STAG1: variants seen among roughly 807,000 people sequenced by gnomAD.
STAG1 encodes the protein STAG1 cohesin complex component.
STAG1 carries 26 observed loss-of-function variants against 170.9 expected under a neutral mutation model. That is an observed-to-expected ratio of 0.15 (90% CI 0.11 to 0.21). The LOEUF is 0.21. Ranked by LOEUF, STAG1 falls within the 10% of genes least tolerant of loss-of-function variation. STAG1 has a pLI of 1.00. For missense variants in STAG1, 964 were observed against 1,509.5 expected (o/e 0.64, Z 5.99); for synonymous variants, 514 against 497.7 (o/e 1.03, Z -0.44).
At chr3:136,495,292 A>T (rs954721335) in intron 9 of STAG1, among the ~76,000 whole-genome samples, 7 of 152,226 alleles carry the variant, frequency 4.6e-5, no homozygotes, top group Admixed American at 1.3e-4. Context: ...AAATTGAATT[A>T]AAAATTCAAT....
chr3:136,541,538 T>TCACACACACACACACACACACACA (rs59155124), intron 6 of STAG1, among the ~76,000 whole-genome samples: 40 of 123,210 alleles, frequency 3.2e-4, no homozygotes, highest in Non-Finnish European at 5.2e-4. Flanking sequence ...AGCTTAACAT[T>TCACACACACACACACACACACACA]CACACACACA....
chr3:136,677,038 C>G (rs746085834), intron 1 of STAG1, among the ~76,000 whole-genome samples: 19 of 152,056 alleles, frequency 1.2e-4, no homozygotes, highest in Non-Finnish European at 2.1e-4. Flanking sequence ...GATAACAATA[C>G]CTTCCCTCTA....
Position 136,341,565 on chromosome 3 carries a change from CTAT to C in STAG1, c.3447-17_3447-15del. 2 of 1,542,246 alleles carry C rather than the reference CTAT, an allele frequency of 1.3e-6. No homozygotes were observed. The highest frequency in any genetic ancestry group is 2.2e-5 in the East Asian group (1 of 44,538). The stretch of plus-strand genomic sequence containing the variant: ...TGCATCTGAGGACTAAGAGAGGGTA[CTAT>C]TATTAATTTTGTAGCAGCAGATGAT... On this transcript the variant is annotated splice_polypyrimidine_tract_variant and intron_variant, in intron 30 of 33. Transcript: ENST00000383202.
intron 9 of STAG1, among the ~76,000 whole-genome samples, chr3:136,489,556 T>C (rs992397685): frequency 2.0e-5 from 3 of 152,088 alleles, no homozygotes; most frequent in Admixed American, 6.5e-5. Flanking sequence ...GAAATAATTA[T>C]GAATGGCCAA....
intron 22 of STAG1, among the ~76,000 whole-genome samples, chr3:136,379,862 T>C (rs761884557): frequency 2.2e-4 from 33 of 152,190 alleles, no homozygotes; most frequent in South Asian, 4.1e-4. Context: ...TCACGTTAAA[T>C]CATTTGAATA....
chr3:136,587,310 C>T (rs571197458), intron 4 of STAG1, among the ~76,000 whole-genome samples: 118 of 152,178 alleles, frequency 7.8e-4, no homozygotes, highest in South Asian at 2.3e-3. Context: ...CAGGCCGAGG[C>T]AGGTGGATCA....
chr3:136,604,203 T>G, intron 4 of STAG1, 106 bp downstream of exon 4: 1 of 1,024,172 alleles, frequency 9.8e-7, no homozygotes, highest in Non-Finnish European at 1.4e-6. Flanking sequence ...AAAGGTTGCT[T>G]ACATAATCAA....
Position 136,346,824 on chromosome 3 carries a change from C to T in STAG1, c.3271+2334G>A, listed in dbSNP as rs144352180. ...AATATTACATTGAAGAATGGCTAGG[C>T]GCAATGGCTCATGCCTGTAATCCTA... On this transcript the variant is annotated intron_variant, in intron 29 of 33. Coordinates refer to ENST00000383202, the MANE Select transcript of STAG1 (RefSeq NM_005862.3). Among the ~76,000 whole-genome samples the T allele has an allele frequency of 1.9e-4, 29 of 152,284 alleles. No homozygotes were observed. In the East Asian group the frequency reaches 5.4e-3, roughly 28 times the overall value.
chr3:136,339,132 G>A (rs1280353581), intron 32 of STAG1, among the ~76,000 whole-genome samples: 1 of 152,124 alleles, frequency 6.6e-6, no homozygotes, highest in Non-Finnish European at 1.5e-5. Flanking sequence ...GACACATATA[G>A]GAAAGACCAT....
rs1260432222 is a variant in STAG1 at position 136,409,502 on chromosome 3, A to G, written c.2196+8383T>C. ...CAGGAGCACGCCACTATGCTCAGCT[A>G]ATTTTTGTATTTTTAGTATAGATGG... On this transcript the variant is annotated intron_variant, in intron 21 of 33. Transcript: ENST00000383202. 4.0e-5 allele frequency among the ~76,000 whole-genome samples: 6 copies of G among 151,792 alleles called. No individual in the cohort carries two copies. In the East Asian group the frequency reaches 9.7e-4, roughly 25 times the overall value.
intron 21 of STAG1, among the ~76,000 whole-genome samples, chr3:136,406,787 C>T (rs1466257022): frequency 3.9e-5 from 6 of 151,906 alleles, no homozygotes; most frequent in East Asian, 1.9e-4. Flanking sequence ...TCATTAGAAG[C>T]GTGAAAAACT....
chr3:136,547,715 C>T (rs957866363), intron 5 of STAG1, among the ~76,000 whole-genome samples: 2 of 152,120 alleles, frequency 1.3e-5, no homozygotes, highest in African/African-American at 2.4e-5. Context: ...TATGTATATA[C>T]TGCATTTTAT....
At chr3:136,595,102 G>A (rs1253407823) in intron 4 of STAG1, among the ~76,000 whole-genome samples, 1 of 152,100 alleles carries the variant, frequency 6.6e-6, no homozygotes, top group Non-Finnish European at 1.5e-5. Context: ...ATATCTAGGT[G>A]TACAAAATGA....
At chr3:136,683,044 T>C (rs1441156322) in intron 1 of STAG1, among the ~76,000 whole-genome samples, 1 of 152,176 alleles carries the variant, frequency 6.6e-6, no homozygotes, top group Non-Finnish European at 1.5e-5. Flanking sequence ...GTTCTGTTTA[T>C]ATGAGGTGCC....
intron 15 of STAG1, among the ~76,000 whole-genome samples, chr3:136,441,157 C>T (rs1385414479): frequency 6.6e-6 from 1 of 151,826 alleles, no homozygotes; most frequent in Non-Finnish European, 1.5e-5. Flanking sequence ...CTCAGCCTCC[C>T]GAGTAGATGG....
intron 1 of STAG1, among the ~76,000 whole-genome samples, chr3:136,651,397 A>T (rs1199437159): frequency 6.7e-6 from 1 of 149,824 alleles, no homozygotes; most frequent in South Asian, 2.1e-4. Context: ...AAAAAAAAGA[A>T]TCATGTAAAG....
intron 13 of STAG1, among the ~76,000 whole-genome samples, chr3:136,463,733 A>ATGTGTGTGTGTG (rs1470936669): frequency 1.7e-4 from 7 of 42,394 alleles, no homozygotes; most frequent in African/African-American, 6.5e-4. Context: ...AAAAATGTGT[A>ATGTGTGTGTGTG]TATGTGTGTG....
chr3:136,628,046 G>C (rs1187459526), intron 2 of STAG1, among the ~76,000 whole-genome samples: 2 of 152,018 alleles, frequency 1.3e-5, no homozygotes, highest in East Asian at 3.9e-4. Flanking sequence ...ATCTCATCTC[G>C]AACTGTAATC....
chr3:136,621,116 G>C (rs1313742674), intron 3 of STAG1, among the ~76,000 whole-genome samples: 3 of 151,698 alleles, frequency 2.0e-5, no homozygotes, highest in African/African-American at 7.3e-5. Flanking sequence ...CTGGGCGACA[G>C]AGTAAGGTTC....
Sources: gnomAD v4.1 joint callset for allele counts (sites outside exome capture counted in the v4.1 genomes callset) on GRCh38, gnomAD v4.1.1 for gene constraint, MANE v1.5 for transcripts, NCBI Gene and HGNC (gene_info 2026-07-23, HGNC 2026-07-21) for gene names.